Variants in TDRP observed in about 807,000 individuals in gnomAD.
TDRP encodes testis development-related protein.
TDRP carries 12 observed loss-of-function variants against 10.5 expected under a neutral mutation model. The observed-to-expected ratio is 1.15, with a 90% CI of 0.73 to 1.86. The LOEUF is 1.86. Among genes scored for constraint, TDRP ranks in the 40% most tolerant of loss-of-function variants. TDRP has a pLI of 0.00. For synonymous variants in TDRP, 139 were observed against 95.4 expected, an observed-to-expected ratio of 1.46 and a Z score of -2.67; for missense variants, 353 against 229.2, an observed-to-expected ratio of 1.54 and a Z score of -3.49.
intron 1 of TDRP, among the ~76,000 whole-genome samples, chr8:508,894 C>A (rs1219460775): frequency 1.3e-5 from 2 of 152,224 alleles, no homozygotes; most frequent in East Asian, 3.8e-4. Flanking sequence ...TTCCTAGATA[C>A]AATGGAGATA....
intron 1 of TDRP, among the ~76,000 whole-genome samples, chr8:529,784 T>C (rs2116850291): frequency 6.6e-6 from 1 of 152,344 alleles, no homozygotes. Flanking sequence ...GCTTTTCTCT[T>C]TCTTCTTTCA....
At chr8:544,561 C>A (rs916388740) in intron 1 of TDRP, 89 bp downstream of exon 1, 19 of 941,312 alleles carry the variant, frequency 2.0e-5, no homozygotes, top group African/African-American at 6.7e-5. Context: ...CCCCCAACTA[C>A]CCGCACCTCC....
At chr8:533,018 C>T (rs1032634715) in intron 1 of TDRP, among the ~76,000 whole-genome samples, 2 of 152,170 alleles carry the variant, frequency 1.3e-5, no homozygotes, top group African/African-American at 4.8e-5. Context: ...GAGAGAGGAA[C>T]TCATTTGCCC....
chr8:492,270 G>C lies in TDRP; in HGVS notation c.*129C>G, dbSNP rs957836087. On this transcript the variant is annotated 3_prime_UTR_variant, in exon 3 of 3. Transcript: ENST00000324079. ...TGAGAGTTCATTAAATAAAGAAACAGAGGTCCAAATATCAAATATAGGCAA... is the reference window on the plus strand; with the variant it reads ...TGAGAGTTCATTAAATAAAGAAACACAGGTCCAAATATCAAATATAGGCAA... The C allele has an allele frequency of 3.7e-6, 5 of 1,334,952 alleles. No individual in the cohort carries two copies. In the African/African-American group the frequency reaches 7.4e-5, roughly 20 times the overall value. 82.7% of individuals were successfully genotyped at this position (1,334,952 alleles called of 1,614,324 possible).
intron 1 of TDRP, among the ~76,000 whole-genome samples, chr8:522,980 G>A (rs1034213772): frequency 8.5e-5 from 13 of 152,104 alleles, no homozygotes; most frequent in Admixed American, 5.9e-4. Context: ...TAAACCACAC[G>A]TAGTTTTGGT....
At chr8:541,617 C>G (rs1488639096) in intron 1 of TDRP, among the ~76,000 whole-genome samples, 1 of 152,128 alleles carries the variant, frequency 6.6e-6, no homozygotes, top group African/African-American at 2.4e-5. Flanking sequence ...AGACACCTCA[C>G]CAAAAAAGGG....
rs867180501 is a variant in TDRP, at chr8:491,820, C to G, written c.*579G>C. 2.0e-5 allele frequency: 25 copies of G among 1,246,712 alleles called. No individual in the cohort carries two copies. In the African/African-American group the frequency reaches 3.7e-4, roughly 18 times the overall value. 77.2% of individuals were successfully genotyped at this position (1,246,712 alleles called of 1,614,324 possible). On this transcript the variant is annotated 3_prime_UTR_variant, in exon 3 of 3. Coordinates refer to ENST00000324079, the MANE Select transcript of TDRP (RefSeq NM_001384899.1). ...TATTCCTCCCTCAGCAAAAGATGAACATGCATTTTAAGATACATTTTACTC... is the reference window on the plus strand; with the variant it reads ...TATTCCTCCCTCAGCAAAAGATGAAGATGCATTTTAAGATACATTTTACTC...
intron 1 of TDRP, among the ~76,000 whole-genome samples, chr8:517,899 G>T (rs978344341): frequency 5.3e-5 from 8 of 152,200 alleles, no homozygotes; most frequent in Non-Finnish European, 1.2e-4. Context: ...ATGACATTCT[G>T]GAAAACACAA....
intron 1 of TDRP, among the ~76,000 whole-genome samples, chr8:538,282 T>G (rs1326806313): frequency 6.6e-6 from 1 of 152,176 alleles, no homozygotes; most frequent in Non-Finnish European, 1.5e-5. Context: ...GATGAGGAAC[T>G]CAATCAGACA....
intron 1 of TDRP, among the ~76,000 whole-genome samples, chr8:514,985 A>T (rs1437011303): frequency 6.6e-6 from 1 of 152,218 alleles, no homozygotes; most frequent in African/African-American, 2.4e-5. Flanking sequence ...AAGTCATACA[A>T]TTCAGACTTT....
At chr8:545,340 C>G (rs1802625377), upstream of TDRP, among the ~76,000 whole-genome samples, 1 of 131,006 alleles carries the variant, frequency 7.6e-6, no homozygotes, top group Non-Finnish European at 1.6e-5. Flanking sequence ...ATCCCCGGTT[C>G]CCTGGGTCCT....
intron 1 of TDRP, among the ~76,000 whole-genome samples, chr8:538,228 T>G (rs916019500): frequency 1.3e-5 from 2 of 151,974 alleles, no homozygotes; most frequent in South Asian, 2.1e-4. Flanking sequence ...GGGTGGGAGA[T>G]TCTTGCTACA....
chr8:524,235 T>A (rs1216232890), intron 1 of TDRP, among the ~76,000 whole-genome samples: 1 of 152,238 alleles, frequency 6.6e-6, no homozygotes, highest in Non-Finnish European at 1.5e-5. Flanking sequence ...ACAGCATTAC[T>A]GGGCTTGGGG....
chr8:528,173 G>C (rs928064023), intron 1 of TDRP, among the ~76,000 whole-genome samples: 1 of 152,190 alleles, frequency 6.6e-6, no homozygotes, highest in Non-Finnish European at 1.5e-5. Context: ...CAACATCAGT[G>C]ATCATCAGAG....
chr8:499,874 C>G (rs150321477), intron 1 of TDRP, among the ~76,000 whole-genome samples: 1 of 152,148 alleles, frequency 6.6e-6, no homozygotes, highest in South Asian at 2.1e-4. Flanking sequence ...CTGAGGTGGA[C>G]AAAATCTTAG....
chr8:532,802 G>C (rs114570827), intron 1 of TDRP, among the ~76,000 whole-genome samples: 3,279 of 152,260 alleles, frequency 0.022, 111 homozygotes, highest in African/African-American at 0.076. Flanking sequence ...ATAACGGCCT[G>C]TGTTTGTAAA....
In TDRP at chr8:492,066, G is replaced by A; in HGVS notation, c.*333C>T. ...AGTTCTGAAACAGAACTACAACACA[G>A]AGCAGCATGAAAATCATTTTGTGAG... On this transcript the variant is annotated 3_prime_UTR_variant, in exon 3 of 3. Transcript: ENST00000324079. 1 of 1,149,682 alleles carries A rather than the reference G, an allele frequency of 8.7e-7. No individual in the cohort carries two copies. Among genetic ancestry groups the A allele is most frequent in the Non-Finnish European group, 1.1e-6 (1 of 936,644 alleles). The allele number at this position is 1,149,682 out of a possible 1,614,324, so 71.2% of individuals were successfully genotyped here.
At chr8:504,448 C>T (rs1801399573) in intron 1 of TDRP, among the ~76,000 whole-genome samples, 1 of 152,098 alleles carries the variant, frequency 6.6e-6, no homozygotes, top group South Asian at 2.1e-4. Flanking sequence ...TAGAGCAGTC[C>T]AGGAGCCCCT....
intron 1 of TDRP, among the ~76,000 whole-genome samples, chr8:515,420 C>A (rs1291711112): frequency 6.6e-6 from 1 of 152,184 alleles, no homozygotes. Context: ...AGAAGTATTT[C>A]AGATTTCAGA....
Sources: gnomAD v4.1 joint callset for allele counts (sites outside exome capture counted in the v4.1 genomes callset) on GRCh38, gnomAD v4.1.1 for gene constraint, MANE v1.5 for transcripts, NCBI Gene and HGNC (gene_info 2026-07-23, HGNC 2026-07-21) for gene names.